The following RNF217 variants were observed in gnomAD, a reference collection of about 807,000 sequenced individuals.
RNF217 encodes E3 ubiquitin-protein ligase RNF217.
RNF217 carries 31 observed loss-of-function variants against 57.8 expected under a neutral mutation model. The observed-to-expected ratio is 0.54, with a 90% confidence interval of 0.40 to 0.72. The LOEUF (loss-of-function observed/expected upper bound fraction) is 0.72. Ranked by LOEUF, RNF217 falls within the 30% of genes least tolerant of loss-of-function variation. The pLI, the probability that RNF217 is intolerant of heterozygous loss-of-function variation, is 0.00. For missense variants in RNF217, 696 were observed against 708.3 expected (o/e 0.98, Z 0.20); for synonymous variants, 313 against 294.0 (o/e 1.06, Z -0.66).
intron 1 of RNF217, among the ~76,000 whole-genome samples, chr6:124,980,797 A>G (rs867180534): frequency 6.6e-6 from 1 of 152,170 alleles, no homozygotes; most frequent in Non-Finnish European, 1.5e-5. Flanking sequence ...TGTTAATTTC[A>G]TAGAGTCCTG....
At chr6:124,966,415 G>A (rs17720559) in intron 1 of RNF217, among the ~76,000 whole-genome samples, 36,952 of 152,052 alleles carry the variant, frequency 0.24, 4,821 homozygotes, top group African/African-American at 0.33. Context: ...CACATCAAAA[G>A]GGCATAGTGA....
intron 1 of RNF217, among the ~76,000 whole-genome samples, chr6:124,968,115 C>T (rs999520401): frequency 6.6e-6 from 1 of 152,074 alleles, no homozygotes. Context: ...CTTAAAGCAC[C>T]CTGCATATTT....
intron 1 of RNF217, among the ~76,000 whole-genome samples, chr6:124,990,009 CT>C (rs1784501554): frequency 6.6e-6 from 1 of 152,132 alleles, no homozygotes; most frequent in Non-Finnish European, 1.5e-5. Flanking sequence ...TATTTCCTTT[CT>C]TTCCATTTTC....
chr6:125,082,110 C>T (rs909617860), intron 5 of RNF217, among the ~76,000 whole-genome samples: 10 of 152,046 alleles, frequency 6.6e-5, no homozygotes, highest in African/African-American at 2.2e-4. Context: ...TTGCTGGTTT[C>T]GGTCTGCAGT....
chr6:125,036,707 A>T (rs1220227707), intron 1 of RNF217, among the ~76,000 whole-genome samples: 1 of 152,116 alleles, frequency 6.6e-6, no homozygotes, highest in Non-Finnish European at 1.5e-5. Context: ...GATGAAGGAT[A>T]TGAACAGACA....
In RNF217 at chr6:125,088,497, C is replaced by T. The variant is rs893734432; in HGVS notation, c.*5560C>T. 2 of 152,158 alleles carry T rather than the reference C, an allele frequency of 1.3e-5. No individual in the cohort carries two copies. The highest frequency in any genetic ancestry group is 2.9e-5 in the Non-Finnish European group (2 of 68,014). The allele number at this position is 152,158 out of a possible 1,614,324, so 9.4% of individuals were successfully genotyped here. A position where few individuals can be genotyped will look rare whatever the true frequency, so the allele number is the denominator to read the frequency against. On this transcript the variant is annotated 3_prime_UTR_variant, in exon 6 of 6. Coordinates refer to ENST00000521654, the MANE Select transcript of RNF217 (RefSeq NM_001286398.3). ...ACAGAGTCACAGTAGTGAGACTATT[C>T]TCATTGCTTCTTTGGAGCATTAGCT...
At chr6:125,018,684 G>A (rs1785702442) in intron 1 of RNF217, among the ~76,000 whole-genome samples, 1 of 152,192 alleles carries the variant, frequency 6.6e-6, no homozygotes, top group African/African-American at 2.4e-5. Flanking sequence ...GTGTGCACCA[G>A]TGAATCTCAG....
chr6:124,989,275 A>G (rs1225586706), intron 1 of RNF217, among the ~76,000 whole-genome samples: 1 of 152,232 alleles, frequency 6.6e-6, no homozygotes, highest in Non-Finnish European at 1.5e-5. Flanking sequence ...GTCTCACTGC[A>G]TAATAAACAA....
intron 1 of RNF217, among the ~76,000 whole-genome samples, chr6:124,982,027 A>AG: frequency 1.5e-5 from 1 of 67,024 alleles, no homozygotes; most frequent in Admixed American, 1.7e-4. Flanking sequence ...ACTCTGTCTC[A>AG]AAAAAAAAAA....
intron 1 of RNF217, chr6:125,009,389 G>A (rs1472586366): frequency 7.2e-6 from 5 of 697,344 alleles, no homozygotes; most frequent in African/African-American, 5.4e-5. Flanking sequence ...GAGCCTGGAA[G>A]AGTAGATTTT....
intron 1 of RNF217, among the ~76,000 whole-genome samples, chr6:125,011,716 T>C (rs1279399318): frequency 6.6e-6 from 1 of 152,172 alleles, no homozygotes; most frequent in African/African-American, 2.4e-5. Flanking sequence ...AAAAATGATT[T>C]ACTAGGAACC....
chr6:125,044,095 C>G (rs1786994550), intron 1 of RNF217, among the ~76,000 whole-genome samples: 1 of 151,148 alleles, frequency 6.6e-6, no homozygotes, highest in Non-Finnish European at 1.5e-5. Flanking sequence ...TGATGTTTTT[C>G]TTTCCCCAAA....
chr6:124,968,333 ATG>A (rs139179532), intron 1 of RNF217, among the ~76,000 whole-genome samples: 11 of 150,752 alleles, frequency 7.3e-5, no homozygotes, highest in African/African-American at 1.7e-4. Context: ...TGCAAAATGT[ATG>A]TGTGTGTGTG....
chr6:125,035,538 A>C (rs1786572185), intron 1 of RNF217, among the ~76,000 whole-genome samples: 1 of 152,120 alleles, frequency 6.6e-6, no homozygotes, highest in African/African-American at 2.4e-5. Flanking sequence ...ATTGCTTTGG[A>C]GTTCTTTATA....
chr6:124,980,854 A>G (rs1784137668), intron 1 of RNF217, among the ~76,000 whole-genome samples: 1 of 152,178 alleles, frequency 6.6e-6, no homozygotes, highest in African/African-American at 2.4e-5. Flanking sequence ...AACCAGTAGT[A>G]TTTCAGTGGG....
chr6:125,071,649 A>G (rs1788151360), intron 3 of RNF217, among the ~76,000 whole-genome samples: 1 of 152,140 alleles, frequency 6.6e-6, no homozygotes. Context: ...AACTCTTATA[A>G]GGGAATATCT....
intron 1 of RNF217, among the ~76,000 whole-genome samples, chr6:124,987,136 A>G (rs1784392990): frequency 6.6e-6 from 1 of 152,206 alleles, no homozygotes; most frequent in Non-Finnish European, 1.5e-5. Context: ...TTAGAATTTC[A>G]TTACAGTGCA....
chr6:125,046,899 A>G (rs973767777), intron 2 of RNF217, among the ~76,000 whole-genome samples: 29 of 152,178 alleles, frequency 1.9e-4, no homozygotes, highest in African/African-American at 6.7e-4. Flanking sequence ...TAACTGTTAG[A>G]AAAAAATCCT....
In RNF217 at chr6:125,067,561, T is replaced by C. The variant is rs75469355; in HGVS notation, c.1282-9096T>C. Among the ~76,000 whole-genome samples, 284 of 152,296 alleles carry C rather than the reference T, an allele frequency of 1.9e-3. 1 individual carries two copies. Among genetic ancestry groups the C allele is most frequent in the African/African-American group, 6.5e-3 (272 of 41,566 alleles). On this transcript the variant is annotated intron_variant, in intron 3 of 5. Coordinates refer to ENST00000521654, the MANE Select transcript of RNF217 (RefSeq NM_001286398.3). ...ATAACCACCAAATATTTAGTATGGG[T>C]ATCTAAATGGATGGTGATACCATAA...
Sources: allele counts gnomAD v4.1 joint callset (sites outside exome capture counted in the v4.1 genomes callset), GRCh38; gene constraint gnomAD v4.1.1; transcripts MANE v1.5; gene names NCBI Gene and HGNC (gene_info 2026-07-23, HGNC 2026-07-21).